Variants in APP observed in about 807,000 individuals in gnomAD.
The protein encoded by APP is amyloid-beta precursor protein.
Under a neutral mutation model 101.4 loss-of-function variants are expected in APP, and 31 were observed. The ratio of observed to expected loss-of-function variants is 0.31; its 90% CI spans 0.23 to 0.41. The LOEUF is 0.41. APP is among the 10% of genes least tolerant of loss of function. The probability of loss-of-function intolerance (pLI) is 1.00; values close to 1 mark genes in which losing one functional copy is unlikely to be tolerated. For missense variants in APP, 839 were observed against 1,003.7 expected, an observed-to-expected ratio of 0.84 and a Z score of 2.22; for synonymous variants, 366 against 364.4, an observed-to-expected ratio of 1.00 and a Z score of -0.05.
At chr21:26,138,876 T>A (rs189876324) in intron 1 of APP, among the ~76,000 whole-genome samples, 1 of 152,256 alleles carries the variant, frequency 6.6e-6, no homozygotes, top group Admixed American at 6.5e-5. Flanking sequence ...CAGGAACTGC[T>A]CCCTTGTTGG....
chr21:26,094,240 T>G (rs2061892596), intron 2 of APP, among the ~76,000 whole-genome samples: 1 of 152,142 alleles, frequency 6.6e-6, no homozygotes, highest in Non-Finnish European at 1.5e-5. Context: ...TAAGGGATTA[T>G]TAATTTAGAT....
intron 13 of APP, chr21:25,945,788 AG>A (rs1332043667): frequency 9.5e-6 from 4 of 420,388 alleles, no homozygotes; most frequent in Non-Finnish European, 1.9e-5. Context: ...CCCCAGGCTC[AG>A]GAGATCCTCC....
intron 11 of APP, among the ~76,000 whole-genome samples, chr21:25,971,847 T>C (rs900818426): frequency 6.6e-6 from 1 of 152,240 alleles, no homozygotes; most frequent in Admixed American, 6.5e-5. Flanking sequence ...TAACTGCTTC[T>C]ATCCCACCTA....
intron 3 of APP, among the ~76,000 whole-genome samples, chr21:26,058,997 C>T (rs1011281105): frequency 4.7e-5 from 7 of 149,388 alleles, no homozygotes; most frequent in Admixed American, 6.7e-5. Flanking sequence ...AGGAGAATGG[C>T]GTGAACCCGG....
At chr21:26,140,293 A>C in intron 1 of APP, 1 of 1,534,744 alleles carries the variant, frequency 6.5e-7, no homozygotes, top group Non-Finnish European at 8.7e-7. Flanking sequence ...AGTGACCACA[A>C]CTTGACCCAG....
At chr21:26,034,861 G>C (rs1034028680) in intron 5 of APP, among the ~76,000 whole-genome samples, 9 of 152,116 alleles carry the variant, frequency 5.9e-5, no homozygotes, top group Admixed American at 2.0e-4. Flanking sequence ...CCTGTACTCA[G>C]AGAGATTACA....
At chr21:25,976,236 T>C (rs1411849610) in intron 9 of APP, among the ~76,000 whole-genome samples, 1 of 152,320 alleles carries the variant, frequency 6.6e-6, no homozygotes, top group South Asian at 2.1e-4. Flanking sequence ...ACATAAATGT[T>C]CATATTTATT....
intron 1 of APP, among the ~76,000 whole-genome samples, chr21:26,113,236 G>A (rs540511785): frequency 3.3e-5 from 5 of 152,180 alleles, no homozygotes; most frequent in East Asian, 1.9e-4. Context: ...GAAGCCATTC[G>A]TTCACACACT....
intron 14 of APP, among the ~76,000 whole-genome samples, chr21:25,908,937 A>G (rs1055503507): frequency 6.6e-6 from 1 of 152,136 alleles, no homozygotes; most frequent in African/African-American, 2.4e-5. Context: ...AGTATTTAAT[A>G]TCCTATGAGA....
chr21:25,888,911 C>T (rs1295411097), intron 17 of APP, among the ~76,000 whole-genome samples: 3 of 152,182 alleles, frequency 2.0e-5, no homozygotes, highest in South Asian at 2.1e-4. Flanking sequence ...AATGATGTGT[C>T]AGGGATTCTC....
At chr21:26,107,899 G>A (rs920567242) in intron 2 of APP, among the ~76,000 whole-genome samples, 1 of 152,208 alleles carries the variant, frequency 6.6e-6, no homozygotes, top group Non-Finnish European at 1.5e-5. Flanking sequence ...TGAGGAGGAA[G>A]AGAGCACCAC....
chr21:26,050,304 A>G (rs903970074), intron 5 of APP, among the ~76,000 whole-genome samples: 1 of 152,226 alleles, frequency 6.6e-6, no homozygotes, highest in Non-Finnish European at 1.5e-5. Context: ...ATGAGACAGC[A>G]TAAAATCAAT....
intron 13 of APP, among the ~76,000 whole-genome samples, chr21:25,949,000 T>C (rs958014596): frequency 5.3e-5 from 8 of 152,166 alleles, no homozygotes; most frequent in African/African-American, 1.9e-4. Context: ...AAGACCTACA[T>C]AGTGATTTAA....
At chr21:25,992,601 A>G (rs992803364) in intron 8 of APP, among the ~76,000 whole-genome samples, 4 of 152,166 alleles carry the variant, frequency 2.6e-5, no homozygotes, top group Admixed American at 2.0e-4. Context: ...TTGCTAAGCA[A>G]TCCAGTTCCT....
chr21:26,085,583 T>C (rs1444516069), intron 3 of APP, among the ~76,000 whole-genome samples: 1 of 152,200 alleles, frequency 6.6e-6, no homozygotes, highest in Admixed American at 6.5e-5. Flanking sequence ...CTCATCGCCA[T>C]CTTTAAAGTT....
chr21:26,091,259 G>C (rs1230194201), intron 2 of APP, among the ~76,000 whole-genome samples: 1 of 152,170 alleles, frequency 6.6e-6, no homozygotes, highest in Non-Finnish European at 1.5e-5. Context: ...CAGGTAAAAG[G>C]TGGTAGGGAC....
intron 1 of APP, 29 bp downstream of exon 1, chr21:26,170,535 C>G: frequency 6.5e-7 from 1 of 1,534,268 alleles, no homozygotes; most frequent in Non-Finnish European, 8.7e-7. Flanking sequence ...CGTGCAGCCT[C>G]CCCCCGCCTT....
At chr21:25,883,031 G>A (rs922845864) in intron 17 of APP, among the ~76,000 whole-genome samples, 2 of 152,188 alleles carry the variant, frequency 1.3e-5, no homozygotes, top group African/African-American at 4.8e-5. Context: ...AGTGTCAGCA[G>A]TAAGACATGA....
intron 13 of APP, among the ~76,000 whole-genome samples, chr21:25,936,596 A>C (rs1328024085): frequency 6.6e-6 from 1 of 152,222 alleles, no homozygotes; most frequent in African/African-American, 2.4e-5. Context: ...TCTGAGAAAG[A>C]CCATGTGAGG....
Sources: gnomAD v4.1 joint callset for allele counts (sites outside exome capture counted in the v4.1 genomes callset) on GRCh38, gnomAD v4.1.1 for gene constraint, MANE v1.5 for transcripts, NCBI Gene and HGNC (gene_info 2026-07-23, HGNC 2026-07-21) for gene names.